Variants in GRAMD1A observed in about 807,000 individuals in gnomAD.
GRAMD1A encodes the protein GRAM domain containing 1A, also known as protein Aster-A.
In GRAMD1A, 50 loss-of-function variants were observed where a neutral mutation model predicts 92.0. The observed-to-expected ratio is 0.54, with a 90% confidence interval of 0.43 to 0.69. GRAMD1A has a LOEUF of 0.69. Among genes scored for constraint, GRAMD1A ranks in the 30% least tolerant of loss-of-function variants. The probability of loss-of-function intolerance (pLI) is 0.00; values close to 1 mark genes in which losing one functional copy is unlikely to be tolerated. For missense variants in GRAMD1A, 819 were observed against 978.9 expected (o/e 0.84, Z 2.18); for synonymous variants, 405 against 403.6 (o/e 1.00, Z -0.04).
At chr19:35,005,144 G>A (rs941767762) in intron 1 of GRAMD1A, among the ~76,000 whole-genome samples, 1 of 147,854 alleles carries the variant, frequency 6.8e-6, no homozygotes, top group African/African-American at 2.5e-5. Flanking sequence ...TGCTCACGGA[G>A]CACCTCCTGT....
chr19:34,996,591 G>A (rs2014046553), upstream of GRAMD1A, among the ~76,000 whole-genome samples: 1 of 152,212 alleles, frequency 6.6e-6, no homozygotes, highest in South Asian at 2.1e-4. Context: ...TGGATCACCT[G>A]AGGTCGACAG....
At chr19:35,019,160 G>A (rs1237993208) in intron 11 of GRAMD1A, 31 bp from the exon 12 acceptor site, 3 of 1,434,772 alleles carry the variant, frequency 2.1e-6, no homozygotes, top group Admixed American at 1.7e-5. Flanking sequence ...ACTGGGGTGT[G>A]GCCTCCTCAT....
upstream of GRAMD1A, among the ~76,000 whole-genome samples, chr19:34,995,581 T>TTTTTTTC (rs2014001084): frequency 1.4e-5 from 2 of 142,538 alleles, no homozygotes; most frequent in Non-Finnish European, 3.1e-5. Flanking sequence ...GTTTTTTTTT[T>TTTTTTTC]TTTTTTTTTT....
rs199756687 is a variant in GRAMD1A, at chr19:35,009,105, C to T, written c.9-14C>T. On this transcript the variant is annotated splice_polypyrimidine_tract_variant and intron_variant, in intron 1 of 19. Coordinates refer to ENST00000317991, the MANE Select transcript of GRAMD1A (RefSeq NM_020895.5). Reference sequence around the variant, plus strand: ...TTTTCCAGTTAACACTTCTCTTCCTCTTCCTGCCCCCAGCACCACACCCCA... The same window carrying T: ...TTTTCCAGTTAACACTTCTCTTCCTTTTCCTGCCCCCAGCACCACACCCCA... The T allele has an allele frequency of 1.8e-4, 282 of 1,588,316 alleles. 1 individual carries two copies. The Middle Eastern group carries it at 3.8e-3, about 22-fold the overall frequency.
chr19:35,022,235 G>GC lies in GRAMD1A; in HGVS notation c.1841+199dup, dbSNP rs1211816285. On this transcript the variant is annotated intron_variant, in intron 16 of 19. Transcript: ENST00000317991. ...AAGCCTTCCCTGCTAGAACAGCAGA[G>GC]CCGGGGGGGGCTATGGGAGATCAGA... Among the ~76,000 whole-genome samples the GC allele has an allele frequency of 1.9e-4, 29 of 152,232 alleles. No homozygotes were observed. The East Asian group carries it at 5.6e-3, about 30-fold the overall frequency.
In GRAMD1A at chr19:35,000,679, G is replaced by T. The variant is rs2014296092; in HGVS notation, c.8+193G>T. ...CCCGGGCGAGGGGTGCAGCTGGGGA[G>T]TGGGGCGCGGACGCAGGGCAGGGCC... On this transcript the variant is annotated intron_variant, in intron 1 of 19. Coordinates refer to ENST00000317991, the MANE Select transcript of GRAMD1A (RefSeq NM_020895.5). This position sits in a 1 kb window ranked among gnomAD's most constrained non-coding sequence, Gnocchi z 4.9. Among the ~76,000 whole-genome samples the T allele has an allele frequency of 6.6e-6, 1 of 151,972 alleles. No individual in the cohort carries two copies. The highest frequency in any genetic ancestry group is 2.4e-5 in the African/African-American group (1 of 41,408).
intron 11 of GRAMD1A, among the ~76,000 whole-genome samples, chr19:35,016,365 G>C (rs1042403322): frequency 1.3e-5 from 2 of 151,844 alleles, no homozygotes; most frequent in African/African-American, 2.4e-5. Context: ...GGGAGGCCGA[G>C]GTGGGCAGAT....
chr19:35,014,429 A>T, intron 10 of GRAMD1A, 42 bp downstream of exon 10: 4 of 1,552,930 alleles, frequency 2.6e-6, no homozygotes, highest in Non-Finnish European at 3.6e-6. Flanking sequence ...CGGTACTTGC[A>T]AGCCTCGCTC....
intron 16 of GRAMD1A, among the ~76,000 whole-genome samples, chr19:35,022,266 C>G (rs2016114687): frequency 6.6e-6 from 1 of 152,080 alleles, no homozygotes. Flanking sequence ...TCAGAGGGGC[C>G]TGACCTCACC....
At chr19:35,019,122 T>G in intron 11 of GRAMD1A, 69 bp from the exon 12 acceptor site, 17 of 1,010,496 alleles carry the variant, frequency 1.7e-5, no homozygotes, top group Non-Finnish European at 2.3e-5. Flanking sequence ...CCCAGAAGGC[T>G]GAGTCTCCTG....
chr19:35,021,038 G>A lies in GRAMD1A; in HGVS notation c.1476-464G>A, dbSNP rs74439427. 3.5e-4 allele frequency among the ~76,000 whole-genome samples: 53 copies of A among 152,300 alleles called. No individual in the cohort carries two copies. Among genetic ancestry groups the A allele is most frequent in the Admixed American group, 7.2e-4 (11 of 15,302 alleles). ...CTCAAGGAATATCCCGAGGCATTTG[G>A]CCCAAATCACTACAACTTCGGAGCT... is the stretch of plus-strand genomic sequence containing the variant. On this transcript the variant is annotated intron_variant, in intron 13 of 19. Transcript: ENST00000317991. This position sits in a 1 kb window ranked among gnomAD's most constrained non-coding sequence, Gnocchi z 5.3.
chr19:34,997,332 C>T (rs972837533), upstream of GRAMD1A, among the ~76,000 whole-genome samples: 10 of 142,990 alleles, frequency 7.0e-5, no homozygotes, highest in East Asian at 2.0e-4. Flanking sequence ...TTTCTAAGTG[C>T]GTGCTGGAAG....
At position 35,013,469 on chromosome 19, in the gene GRAMD1A, C is replaced by A; in HGVS notation, c.720-72C>A. ...TGGGGGGCCTGAGATGGTTGTATGA[C>A]GTCTGGAGGATTCAGGAGGGTGTAT... On this transcript the variant is annotated intron_variant, in intron 8 of 19. Coordinates refer to ENST00000317991, the MANE Select transcript of GRAMD1A (RefSeq NM_020895.5). This position sits in a 1 kb window ranked among gnomAD's most constrained non-coding sequence, Gnocchi z 4.9. The A allele has an allele frequency of 6.5e-7, 1 of 1,545,556 alleles. No individual in the cohort carries two copies. Among genetic ancestry groups the A allele is most frequent in the Non-Finnish European group, 8.9e-7 (1 of 1,124,846 alleles).
exon 1 of GRAMD1A, chr19:34,994,800 T>C (rs1041916897): frequency 2.6e-5 from 4 of 152,344 alleles, no homozygotes; most frequent in African/African-American, 7.2e-5. Flanking sequence ...GAATGCTGTG[T>C]GGACAGAGGA....
At chr19:34,997,697 G>A (rs1439357229), upstream of GRAMD1A, among the ~76,000 whole-genome samples, 2 of 152,144 alleles carry the variant, frequency 1.3e-5, no homozygotes, top group Non-Finnish European at 2.9e-5. Flanking sequence ...GAGCCTAATC[G>A]TGTATCTTTT....
chr19:35,023,710 A>G, intron 19 of GRAMD1A, 163 bp downstream of exon 19: 2 of 643,842 alleles, frequency 3.1e-6, no homozygotes, highest in African/African-American at 1.8e-5. Flanking sequence ...TGCAGGGGAA[A>G]GCATGGAAGC....
At chr19:34,998,794 A>G (rs1295294024), upstream of GRAMD1A, among the ~76,000 whole-genome samples, 59 of 136,540 alleles carry the variant, frequency 4.3e-4, no homozygotes, top group African/African-American at 1.5e-3. Context: ...CATGAGAGGT[A>G]GGGCACGGCG....
At position 35,021,365 on chromosome 19, in the gene GRAMD1A, G is replaced by A. The variant is rs899416629; in HGVS notation, c.1476-137G>A. On this transcript the variant is annotated intron_variant, in intron 13 of 19. Coordinates refer to ENST00000317991, the MANE Select transcript of GRAMD1A (RefSeq NM_020895.5). This position sits in a 1 kb window ranked among gnomAD's most constrained non-coding sequence, Gnocchi z 5.3. ...GTATCCAGGGAAGCCATGGGGGGTA[G>A]GGAACCCATCTGTTTTGTCTGTGAG... 4.5e-6 allele frequency: 3 copies of A among 674,046 alleles called. No individual in the cohort carries two copies. Among genetic ancestry groups the A allele is most frequent in the Non-Finnish European group, 8.0e-6 (3 of 376,022 alleles). The allele number at this position is 674,046 out of a possible 1,614,324, so 41.8% of individuals were successfully genotyped here.
intron 1 of GRAMD1A, among the ~76,000 whole-genome samples, chr19:35,005,057 C>T (rs987207850): frequency 1.3e-5 from 2 of 151,992 alleles, no homozygotes; most frequent in East Asian, 1.9e-4. Flanking sequence ...TCCAAGGAGT[C>T]GTGCACCTGC....
Sources: gnomAD v4.1 joint callset for allele counts (sites outside exome capture counted in the v4.1 genomes callset) on GRCh38, gnomAD v4.1.1 for gene constraint, Gnocchi (gnomAD v3.1) non-coding constraint, MANE v1.5 for transcripts, NCBI Gene and HGNC (gene_info 2026-07-23, HGNC 2026-07-21) for gene names.